Variants in ARHGEF18 observed in about 807,000 individuals in gnomAD.
The protein encoded by ARHGEF18 is rho guanine nucleotide exchange factor 18.
In ARHGEF18, 93 loss-of-function variants were observed where a neutral mutation model predicts 155.7. That is an observed-to-expected ratio of 0.60 (90% CI 0.50 to 0.71). ARHGEF18 has a LOEUF of 0.71. Ranked by LOEUF, ARHGEF18 falls within the 30% of genes least tolerant of loss-of-function variation. The pLI is 0.00. For missense variants in ARHGEF18, 1,593 were observed against 1,816.1 expected (o/e 0.88, Z 2.23); for synonymous variants, 742 against 753.1 (o/e 0.99, Z 0.24).
chr19:7,367,844 A>G (rs1454135175), intron 2 of ARHGEF18, among the ~76,000 whole-genome samples: 2 of 3,886 alleles, frequency 5.1e-4, no homozygotes, highest in South Asian at 6.1e-3. Flanking sequence ...TATATATTTT[A>G]TATATATATA....
At chr19:7,472,508 T>G (rs1600569944), downstream of ARHGEF18, 1 of 161,428 alleles carries the variant, frequency 6.2e-6, no homozygotes, top group Non-Finnish European at 1.4e-5. Context: ...TTCTTGGAGG[T>G]TTTATTTGAG....
chr19:7,362,899 T>C lies in ARHGEF18; in HGVS notation c.9T>C (p.Asp3=). Residue 3 remains aspartate (D), a synonymous_variant, in exon 2 of 29, where the codon GAT becomes GAC. Transcript: ENST00000668164. The stretch of plus-strand genomic sequence containing the variant: ...CAGACTTCTTCTCTGCCATGGGGGA[T>C]GATCAGGCAGGTGTCTGACTGCTGA... MG[D]DQEDDFPRRL... 4.1e-6 allele frequency: 5 copies of C among 1,234,294 alleles called. No individual in the cohort carries two copies. Among genetic ancestry groups the C allele is most frequent in the African/African-American group, 3.1e-5 (2 of 64,590 alleles). 76.5% of individuals were successfully genotyped at this position (1,234,294 alleles called of 1,614,324 possible).
chr19:7,466,833 A>AGGAAG (rs1168832155), intron 23 of ARHGEF18, 85 bp from the exon 24 acceptor site: 3 of 1,051,414 alleles, frequency 2.9e-6, no homozygotes, highest in Non-Finnish European at 2.7e-6. Context: ...AAAAGTTAAA[A>AGGAAG]AAAAAGAAGA....
rs375144878 is a variant in ARHGEF18 at position 7,468,902 on chromosome 19, C to T, written c.3558C>T (p.Gly1186=). Residue 1186 remains glycine (G), a synonymous_variant, in exon 27 of 29, where the codon GGC becomes GGT. Coordinates refer to ENST00000668164, the MANE Select transcript of ARHGEF18 (RefSeq NM_001367823.1). The part of the protein sequence containing the change: ...EGPRVSMLPS[G]VGPEYAERPE... The stretch of plus-strand genomic sequence containing the variant: ...CTCGTGTGAGCATGCTGCCATCCGG[C>T]GTGGGGCCAGAGTACGCAGAGCGCC... The T allele has an allele frequency of 1.6e-5, 25 of 1,575,130 alleles. No homozygotes were observed. The highest frequency in any genetic ancestry group is 2.4e-5 in the East Asian group (1 of 42,376).
chr19:7,381,139 G>T, intron 8 of ARHGEF18, 145 bp downstream of exon 8: 1 of 518,236 alleles, frequency 1.9e-6, no homozygotes. Context: ...AGGAAAGGGA[G>T]GGATGAGGCT....
intron 10 of ARHGEF18, among the ~76,000 whole-genome samples, chr19:7,427,617 C>T (rs1480136219): frequency 1.3e-5 from 2 of 149,306 alleles, no homozygotes; most frequent in Non-Finnish European, 3.0e-5. Flanking sequence ...TGCACTCCAA[C>T]CTGGATGACA....
intron 2 of ARHGEF18, among the ~76,000 whole-genome samples, chr19:7,367,887 ATATATATTTTT>A (rs201282394): frequency 0.021 from 1,218 of 58,470 alleles, 161 homozygotes; most frequent in Non-Finnish European, 0.024. Flanking sequence ...TATATATTTT[ATATATATTTTT>A]TATATATATA....
At chr19:7,422,722 T>C (rs944446269) in intron 10 of ARHGEF18, among the ~76,000 whole-genome samples, 12 of 142,794 alleles carry the variant, frequency 8.4e-5, no homozygotes, top group East Asian at 8.1e-4. Flanking sequence ...TTTTCTTTTT[T>C]TTTTTTTTTT....
chr19:7,350,763 GGTGGGTGTGT>G (rs1411479224), intron 1 of ARHGEF18, among the ~76,000 whole-genome samples: 12,762 of 133,086 alleles, frequency 0.096, 892 homozygotes, highest in African/African-American at 0.18. Flanking sequence ...AGTTTTTTGG[GGTGGGTGTGT>G]GTGTGTGTGT....
chr19:7,424,966 C>A (rs1973572338), intron 10 of ARHGEF18, among the ~76,000 whole-genome samples: 2 of 151,154 alleles, frequency 1.3e-5, no homozygotes, highest in Admixed American at 1.3e-4. Flanking sequence ...TGCACTCCAG[C>A]CTGGTGACAG....
intron 2 of ARHGEF18, among the ~76,000 whole-genome samples, chr19:7,366,418 C>A (rs983323608): frequency 7.9e-5 from 12 of 152,226 alleles, no homozygotes; most frequent in African/African-American, 2.9e-4. Context: ...AGCTCTCCAG[C>A]CTGCAGACTT....
chr19:7,371,214 G>A (rs543310064), intron 2 of ARHGEF18, among the ~76,000 whole-genome samples: 1 of 152,148 alleles, frequency 6.6e-6, no homozygotes, highest in Non-Finnish European at 1.5e-5. Context: ...CAGATTCATG[G>A]AGACAGAAAG....
chr19:7,372,899 G>A lies in ARHGEF18; in HGVS notation c.103G>A (p.Asp35Asn). 1.6e-6 allele frequency: 2 copies of A among 1,234,504 alleles called. No individual in the cohort carries two copies. The highest frequency in any genetic ancestry group is 1.5e-5 in the African/African-American group (1 of 64,632). 76.5% of individuals were successfully genotyped at this position (1,234,504 alleles called of 1,614,324 possible). ...CCTTCAGGGCAGCGAGTATCTGCAG[G>A]ACCTGGGCCTTGGGGCCCCTTCCCA... is the stretch of plus-strand genomic sequence containing the variant. ...GALQGSEYLQDLGLGAPSHSQ... is the reference protein window; with the variant it reads ...GALQGSEYLQNLGLGAPSHSQ... The change falls in exon 3 of 29, where the codon GAC (aspartate) becomes AAC (asparagine). Residue 35 changes from aspartate (D) to asparagine (N), a missense_variant. Physicochemically the swap from Asp to Asn is conservative, Grantham distance 23. Transcript: ENST00000668164.
intron 10 of ARHGEF18, among the ~76,000 whole-genome samples, chr19:7,409,951 ATTTTTTT>A (rs5826969): frequency 1.6e-5 from 2 of 123,834 alleles, no homozygotes; most frequent in African/African-American, 3.1e-5. Flanking sequence ...TTTTTTTTGT[ATTTTTTT>A]TTTTTTTTTT....
Position 7,440,620 on chromosome 19 carries a change from C to T in ARHGEF18, c.1106+138C>T. On this transcript the variant is annotated intron_variant, in intron 11 of 28. Transcript: ENST00000668164. This position sits in a 1 kb window ranked among gnomAD's most constrained non-coding sequence, Gnocchi z 5.4. ...AGCCCCCGTGCTAAGCAGAGAAATT[C>T]CCATTAACGCTTGCTTCCAGGATCC... 2 of 1,187,730 alleles carry T rather than the reference C, an allele frequency of 1.7e-6. No homozygotes were observed. Among genetic ancestry groups the T allele is most frequent in the Non-Finnish European group, 2.3e-6 (2 of 873,446 alleles). The allele number at this position is 1,187,730 out of a possible 1,614,324, so 73.6% of individuals were successfully genotyped here.
intron 10 of ARHGEF18, among the ~76,000 whole-genome samples, chr19:7,433,103 G>A (rs1194496570): frequency 6.6e-6 from 1 of 151,778 alleles, no homozygotes; most frequent in East Asian, 1.9e-4. Flanking sequence ...GGAGGCTTCA[G>A]TGAGCTGTGA....
chr19:7,406,780 C>T (rs1972332931), intron 10 of ARHGEF18, among the ~76,000 whole-genome samples: 1 of 152,062 alleles, frequency 6.6e-6, no homozygotes, highest in Admixed American at 6.6e-5. Flanking sequence ...AGCCACCTGG[C>T]ACAGTGGCTC....
Position 7,463,610 on chromosome 19 carries a change from C to T in ARHGEF18, c.2636-208C>T, listed in dbSNP as rs559516173. Among the ~76,000 whole-genome samples the T allele has an allele frequency of 1.4e-3, 215 of 152,326 alleles. 1 individual carries two copies. Among genetic ancestry groups the T allele is most frequent in the African/African-American group, 4.7e-3 (195 of 41,574 alleles). ...ACAGCCCTGTCCTCTCACTTAGACG[C>T]AGATTGGCCTGTCCTGGTGGCCATA... On this transcript the variant is annotated intron_variant, in intron 21 of 28. Coordinates refer to ENST00000668164, the MANE Select transcript of ARHGEF18 (RefSeq NM_001367823.1). This position sits in a 1 kb window ranked among gnomAD's most constrained non-coding sequence, Gnocchi z 5.2.
At position 7,409,057 on chromosome 19, in the gene ARHGEF18, CTTTTTTT is replaced by C. The variant is rs1013156166; in HGVS notation, c.967+25868_967+25874del. 6.1e-5 allele frequency among the ~76,000 whole-genome samples: 7 copies of C among 115,542 alleles called. No individual in the cohort carries two copies. In the East Asian group the frequency reaches 1.2e-3, roughly 20 times the overall value. The allele number at this position is 115,542 out of a possible 152,430, so 75.8% of individuals were successfully genotyped here. ...CCTGGGCAAGAGCAAGACCCTGTTT[CTTTTTTT>C]TTTTTTTTTTTTTGAGTTGGAGTCT... On this transcript the variant is annotated intron_variant, in intron 10 of 28. Coordinates refer to ENST00000668164, the MANE Select transcript of ARHGEF18 (RefSeq NM_001367823.1).
Sources: allele counts gnomAD v4.1 joint callset (sites outside exome capture counted in the v4.1 genomes callset), GRCh38; gene constraint gnomAD v4.1.1; non-coding constraint Gnocchi (gnomAD v3.1); transcripts MANE v1.5; gene names NCBI Gene and HGNC (gene_info 2026-07-23, HGNC 2026-07-21).